The following ZFPM2 variants were observed in gnomAD, a reference collection of about 807,000 sequenced individuals.
The protein encoded by ZFPM2 is zinc finger protein ZFPM2.
A neutral mutation model predicts 98.6 loss-of-function variants in ZFPM2; 20 were observed. The observed-to-expected ratio is 0.20, with a 90% CI of 0.14 to 0.29. ZFPM2 has a LOEUF of 0.29. ZFPM2 is among the 10% of genes least tolerant of loss of function. The pLI is 1.00. For synonymous variants in ZFPM2, 518 were observed against 502.7 expected (o/e 1.03, Z -0.41); for missense variants, 1,310 against 1,388.6 (o/e 0.94, Z 0.90).
chr8:105,486,553 G>A (rs750625389), intron 3 of ZFPM2, among the ~76,000 whole-genome samples: 11 of 152,164 alleles, frequency 7.2e-5, no homozygotes, highest in Non-Finnish European at 1.6e-4. Flanking sequence ...TAGGGAAAGG[G>A]ACATTAGCTT....
At chr8:105,708,518 C>A (rs2130970745) in intron 5 of ZFPM2, among the ~76,000 whole-genome samples, 1 of 152,256 alleles carries the variant, frequency 6.6e-6, no homozygotes, top group East Asian at 1.9e-4. Context: ...CACCCTCAAG[C>A]TCCTGGACTC....
intron 2 of ZFPM2, among the ~76,000 whole-genome samples, chr8:105,436,013 T>G (rs747936093): frequency 3.9e-5 from 6 of 152,200 alleles, no homozygotes; most frequent in Non-Finnish European, 8.8e-5. Flanking sequence ...ATAGAAAGAA[T>G]GTGCTGAAAG....
chr8:105,474,292 T>C (rs1812970540), intron 3 of ZFPM2, among the ~76,000 whole-genome samples: 1 of 152,216 alleles, frequency 6.6e-6, no homozygotes, highest in Admixed American at 6.5e-5. Flanking sequence ...TAAAAAGTTA[T>C]TACGTTAGTC....
chr8:105,576,624 T>C (rs1815473995), intron 4 of ZFPM2, among the ~76,000 whole-genome samples: 2 of 152,198 alleles, frequency 1.3e-5, no homozygotes, highest in Admixed American at 1.3e-4. Context: ...AGACAACTTT[T>C]TGTTTCTAAA....
At chr8:105,423,661 G>T (rs1330115914) in intron 2 of ZFPM2, among the ~76,000 whole-genome samples, 1 of 152,094 alleles carries the variant, frequency 6.6e-6, no homozygotes, top group African/African-American at 2.4e-5. Flanking sequence ...CTTTCTTCTG[G>T]TTTATGTGCC....
At position 105,387,559 on chromosome 8, in the gene ZFPM2, G is replaced by A. The variant is rs185260771; in HGVS notation, c.41-31585G>A. 710 of 153,198 alleles carry A rather than the reference G, an allele frequency of 4.6e-3. 17 individuals carry two copies. The East Asian group carries it at 0.083, about 18-fold the overall frequency. 9.5% of individuals were successfully genotyped at this position (153,198 alleles called of 1,614,324 possible). ...AAGCCCCTCACTGCCTAGGGCGGGCGGGGCCGGCTGGCTGGCCGCTCTGAG... is the reference window on the plus strand; with the variant it reads ...AAGCCCCTCACTGCCTAGGGCGGGCAGGGCCGGCTGGCTGGCCGCTCTGAG... On this transcript the variant is annotated intron_variant, in intron 1 of 7. Transcript: ENST00000407775.
chr8:105,777,626 A>T lies in ZFPM2; in HGVS notation c.533-11092A>T, dbSNP rs1242070073. On this transcript the variant is annotated intron_variant, in intron 5 of 7. Transcript: ENST00000407775. The stretch of plus-strand genomic sequence containing the variant: ...GTACAAATGAAAAAAGTTAAAGATC[A>T]TTTAAAAACAGGAAAGACCTTTTGC... Among the ~76,000 whole-genome samples the T allele has an allele frequency of 5.3e-5, 8 of 152,308 alleles. No individual in the cohort carries two copies. In the South Asian group the frequency reaches 8.3e-4, roughly 16 times the overall value.
At chr8:105,393,860 A>C (rs1242230448) in intron 1 of ZFPM2, among the ~76,000 whole-genome samples, 1 of 151,576 alleles carries the variant, frequency 6.6e-6, no homozygotes, top group East Asian at 1.9e-4. Flanking sequence ...CAATTTGACT[A>C]TTGAAATGTT....
At chr8:105,642,073 A>G (rs2130852615) in intron 5 of ZFPM2, among the ~76,000 whole-genome samples, 1 of 152,260 alleles carries the variant, frequency 6.6e-6, no homozygotes, top group East Asian at 1.9e-4. Context: ...CTTGTCATTC[A>G]AAGAGATGCT....
rs1401982885 is a variant in ZFPM2, at chr8:105,756,378, G to A, written c.533-32340G>A. Among the ~76,000 whole-genome samples, 2 of 152,140 alleles carry A rather than the reference G, an allele frequency of 1.3e-5. 1 individual carries two copies. The highest frequency in any genetic ancestry group is 4.8e-5 in the African/African-American group (2 of 41,432). ...CTTGTACATTACACACCAACACGAA[G>A]CACTTGTCTGCTGGCTTGGATAGCT... is the stretch of plus-strand genomic sequence containing the variant. On this transcript the variant is annotated intron_variant, in intron 5 of 7. Transcript: ENST00000407775.
intron 3 of ZFPM2, among the ~76,000 whole-genome samples, chr8:105,444,842 CA>C: frequency 6.6e-6 from 1 of 152,052 alleles, no homozygotes; most frequent in Non-Finnish European, 1.5e-5. Context: ...GTTTGAGTAA[CA>C]TTTTCATTTT....
intron 1 of ZFPM2, among the ~76,000 whole-genome samples, chr8:105,330,611 CACAT>C (rs1433515576): frequency 7.0e-4 from 53 of 76,154 alleles, no homozygotes; most frequent in African/African-American, 1.9e-3. Context: ...TATATATATA[CACAT>C]ATATATATAT....
At chr8:105,338,547 A>G (rs1563610594) in intron 1 of ZFPM2, among the ~76,000 whole-genome samples, 1 of 151,910 alleles carries the variant, frequency 6.6e-6, no homozygotes, top group Non-Finnish European at 1.5e-5. Flanking sequence ...TAAATAAGGC[A>G]AGAATTTCAT....
In ZFPM2 at chr8:105,393,334, T is replaced by TGTCTGTCTGTC. The variant is rs374340648; in HGVS notation, c.41-25810_41-25809insGTCTGTCTGTC. On this transcript the variant is annotated intron_variant, in intron 1 of 7. Transcript: ENST00000407775. ...CTTTCTTCCTTCCCTCTCTCTCTCT[T>TGTCTGTCTGTC]TGCCTTTCTTTCTTTCTTTCTTTCT... 2.2e-3 allele frequency among the ~76,000 whole-genome samples: 278 copies of TGTCTGTCTGTC among 124,314 alleles called. 1 individual carries two copies. The highest frequency in any genetic ancestry group is 7.5e-3 in the African/African-American group (256 of 34,314). The allele number at this position is 124,314 out of a possible 152,430, so 81.6% of individuals were successfully genotyped here. A position where few individuals can be genotyped will look rare whatever the true frequency, so the allele number is the denominator to read the frequency against.
At chr8:105,783,011 TA>T (rs1813296282) in intron 5 of ZFPM2, among the ~76,000 whole-genome samples, 1 of 146,142 alleles carries the variant, frequency 6.8e-6, no homozygotes. Flanking sequence ...AACCAGGAAC[TA>T]AATTGTTCAA....
rs1245789213 is a variant in ZFPM2 at position 105,393,330 on chromosome 8, C to CTGTCTGTCTG, written c.41-25813_41-25812insGTCTGTCTGT. ...CTTCCTTTCTTCCTTCCCTCTCTCT[C>CTGTCTGTCTG]TCTTTGCCTTTCTTTCTTTCTTTCT... On this transcript the variant is annotated intron_variant, in intron 1 of 7. Coordinates refer to ENST00000407775, the MANE Select transcript of ZFPM2 (RefSeq NM_012082.4). 6.1e-3 allele frequency among the ~76,000 whole-genome samples: 811 copies of CTGTCTGTCTG among 132,872 alleles called. 8 individuals are homozygous for CTGTCTGTCTG. Among genetic ancestry groups the CTGTCTGTCTG allele is most frequent in the Middle Eastern group, 0.037 (10 of 268 alleles). The allele number at this position is 132,872 out of a possible 152,430, so 87.2% of individuals were successfully genotyped here. A position where few individuals can be genotyped will look rare whatever the true frequency, so the allele number is the denominator to read the frequency against.
chr8:105,656,199 C>T (rs1409670100), intron 5 of ZFPM2, among the ~76,000 whole-genome samples: 1 of 152,078 alleles, frequency 6.6e-6, no homozygotes, highest in African/African-American at 2.4e-5. Context: ...GCCTCCTTTA[C>T]ATAGAACCAA....
chr8:105,338,914 G>A (rs1184550354), intron 1 of ZFPM2, among the ~76,000 whole-genome samples: 6 of 151,758 alleles, frequency 4.0e-5, no homozygotes, highest in East Asian at 1.9e-4. Context: ...GTTCCCCTGG[G>A]TGCTTCCTTA....
chr8:105,453,938 C>T (rs1221427330), intron 3 of ZFPM2, among the ~76,000 whole-genome samples: 1 of 152,044 alleles, frequency 6.6e-6, no homozygotes, highest in Non-Finnish European at 1.5e-5. Context: ...ATTTCACTCA[C>T]GGGTACTTTG....
Sources: allele counts gnomAD v4.1 joint callset (sites outside exome capture counted in the v4.1 genomes callset), GRCh38; gene constraint gnomAD v4.1.1; transcripts MANE v1.5; gene names NCBI Gene and HGNC (gene_info 2026-07-23, HGNC 2026-07-21).